The following LRBA variants were observed in gnomAD, a reference collection of about 807,000 sequenced individuals.
LRBA encodes LPS responsive beige-like anchor protein, also known as lipopolysaccharide-responsive and beige-like anchor protein.
In LRBA, 176 loss-of-function variants were observed where a neutral mutation model predicts 330.0. That is an observed-to-expected ratio of 0.53 (90% CI 0.47 to 0.60). The LOEUF is 0.60. Ranked by LOEUF, LRBA falls within the 20% of genes least tolerant of loss-of-function variation. LRBA has a pLI of 0.00. For synonymous variants in LRBA, 1,230 were observed against 1,193.0 expected (o/e 1.03, Z -0.64); for missense variants, 3,259 against 3,444.8 (o/e 0.95, Z 1.35).
At chr4:150,309,465 T>C (rs1051929374) in intron 52 of LRBA, among the ~76,000 whole-genome samples, 2 of 152,198 alleles carry the variant, frequency 1.3e-5, no homozygotes, top group African/African-American at 4.8e-5. Context: ...AAGAGCTCAT[T>C]TTAATTATTT....
At chr4:150,607,193 C>T (rs1262568151) in intron 37 of LRBA, among the ~76,000 whole-genome samples, 1 of 152,108 alleles carries the variant, frequency 6.6e-6, no homozygotes, top group Non-Finnish European at 1.5e-5. Context: ...AAAGTAACTA[C>T]CTGTACATCC....
At chr4:150,422,517 A>G (rs2151966641) in intron 46 of LRBA, 4 of 370,190 alleles carry the variant, frequency 1.1e-5, no homozygotes, top group Non-Finnish European at 2.0e-5. Context: ...GGAGATGAAC[A>G]TTATAATACT....
At chr4:150,488,772 C>A (rs573951480) in intron 41 of LRBA, among the ~76,000 whole-genome samples, 2 of 148,596 alleles carry the variant, frequency 1.3e-5, no homozygotes, top group Admixed American at 6.9e-5. Flanking sequence ...AAAAAATATA[C>A]CAATGTTCCT....
intron 2 of LRBA, among the ~76,000 whole-genome samples, chr4:150,994,717 C>T (rs1170549231): frequency 6.6e-6 from 1 of 152,146 alleles, no homozygotes; most frequent in Admixed American, 6.6e-5. Flanking sequence ...AGAAGAGGGT[C>T]ATACAGAGAA....
intron 34 of LRBA, among the ~76,000 whole-genome samples, chr4:150,788,396 C>G (rs946639189): frequency 6.6e-6 from 1 of 151,770 alleles, no homozygotes; most frequent in Non-Finnish European, 1.5e-5. Context: ...CGATGCCTGG[C>G]GCTAATAAGA....
At chr4:150,893,278 T>G (rs1729668048) in intron 16 of LRBA, 129 bp from the exon 17 acceptor site, 2 of 574,288 alleles carry the variant, frequency 3.5e-6, no homozygotes, top group Non-Finnish European at 6.3e-6. Flanking sequence ...TATACTTATT[T>G]TTAACAAATT....
intron 40 of LRBA, among the ~76,000 whole-genome samples, chr4:150,498,992 AG>A (rs1759916954): frequency 6.6e-6 from 1 of 152,172 alleles, no homozygotes; most frequent in South Asian, 2.1e-4. Context: ...CTATTTTATA[AG>A]GAAAGTCAAG....
chr4:150,984,974 C>G (rs2149612276), intron 2 of LRBA, among the ~76,000 whole-genome samples: 1 of 152,238 alleles, frequency 6.6e-6, no homozygotes, highest in East Asian at 1.9e-4. Flanking sequence ...TTAAATAAGT[C>G]TTAAAAAGCA....
rs200463218 is a variant in LRBA at position 150,338,966 on chromosome 4, T to TACACACACAC, written c.7362+11016_7362+11025dup. On this transcript the variant is annotated intron_variant, in intron 48 of 56. Transcript: ENST00000651943. Reference sequence around the variant, plus strand: ...AGCACTTTGTATAACTATTTAATTATACACACACACACACACACACACACA... The same window carrying TACACACACAC: ...AGCACTTTGTATAACTATTTAATTATACACACACACACACACACACACACACACACACACA... Among the ~76,000 whole-genome samples, 286 of 148,726 alleles carry TACACACACAC rather than the reference T, an allele frequency of 1.9e-3. 1 individual carries two copies. Among genetic ancestry groups the TACACACACAC allele is most frequent in the African/African-American group, 6.5e-3 (265 of 40,632 alleles).
At chr4:150,269,738 C>T (rs115908092) in intron 56 of LRBA, among the ~76,000 whole-genome samples, 1,937 of 152,214 alleles carry the variant, frequency 0.013, 22 homozygotes, top group Non-Finnish European at 0.02. Context: ...TGTTTGAGCC[C>T]AGGAGTTTAA....
chr4:150,486,135 T>G (rs1757844211), intron 42 of LRBA, among the ~76,000 whole-genome samples: 2 of 151,932 alleles, frequency 1.3e-5, no homozygotes, highest in Admixed American at 1.3e-4. Context: ...ATATGTTAAT[T>G]AACTTGAATG....
At chr4:150,910,260 G>A (rs867013959) in intron 9 of LRBA, among the ~76,000 whole-genome samples, 1 of 152,088 alleles carries the variant, frequency 6.6e-6, no homozygotes, top group Non-Finnish European at 1.5e-5. Context: ...TTTCCCTTGT[G>A]TATTCTTTTA....
At chr4:150,569,962 T>C (rs1289002271) in intron 40 of LRBA, among the ~76,000 whole-genome samples, 1 of 152,118 alleles carries the variant, frequency 6.6e-6, no homozygotes, top group Non-Finnish European at 1.5e-5. Context: ...GAAAACATCA[T>C]ACATATTTAT....
At chr4:150,659,174 G>C (rs1191984167) in intron 37 of LRBA, among the ~76,000 whole-genome samples, 2 of 126,854 alleles carry the variant, frequency 1.6e-5, no homozygotes, top group South Asian at 2.9e-4. Context: ...CTGCCTGGCC[G>C]CCCATCGTCT....
chr4:150,572,268 T>C (rs1296650665), intron 40 of LRBA, among the ~76,000 whole-genome samples: 4 of 152,116 alleles, frequency 2.6e-5, no homozygotes, highest in Non-Finnish European at 4.4e-5. Flanking sequence ...AGCAACTGCT[T>C]AGTGCCATTT....
intron 27 of LRBA, 81 bp downstream of exon 27, chr4:150,844,577 T>A (rs1749575533): frequency 7.8e-7 from 1 of 1,287,334 alleles, no homozygotes; most frequent in East Asian, 2.4e-5. Context: ...TTATTTAACT[T>A]TATGTTGAAA....
chr4:150,788,742 C>T (rs1739452701), intron 34 of LRBA, among the ~76,000 whole-genome samples: 1 of 140,632 alleles, frequency 7.1e-6, no homozygotes, highest in South Asian at 2.2e-4. Flanking sequence ...GCCTGGGCAA[C>T]AGAGTGAGAC....
intron 2 of LRBA, among the ~76,000 whole-genome samples, chr4:150,942,282 A>C (rs1415116007): frequency 6.6e-6 from 1 of 152,186 alleles, no homozygotes; most frequent in African/African-American, 2.4e-5. Context: ...AATTGTAAAA[A>C]ACTATGTCCA....
chr4:150,913,760 T>A (rs1732270520), intron 9 of LRBA, among the ~76,000 whole-genome samples: 1 of 152,260 alleles, frequency 6.6e-6, no homozygotes, highest in African/African-American at 2.4e-5. Flanking sequence ...GACCCTATCA[T>A]CATAAAATGT....
Sources: gnomAD v4.1 joint callset for allele counts (sites outside exome capture counted in the v4.1 genomes callset) on GRCh38, gnomAD v4.1.1 for gene constraint, MANE v1.5 for transcripts, NCBI Gene and HGNC (gene_info 2026-07-23, HGNC 2026-07-21) for gene names.